Variants in DLC1 observed in about 807,000 individuals in gnomAD.
DLC1 encodes DLC1 Rho GTPase activating protein.
DLC1 carries 54 observed loss-of-function variants against 140.3 expected under a neutral mutation model. That is an observed-to-expected ratio of 0.38 (90% CI 0.31 to 0.48). DLC1 has a LOEUF of 0.48. DLC1 is among the 20% of genes least tolerant of loss of function. The probability of loss-of-function intolerance (pLI) is 0.96; values close to 1 mark genes in which losing one functional copy is unlikely to be tolerated. For missense variants in DLC1, 2,536 were observed against 1,907.0 expected, an observed-to-expected ratio of 1.33 and a Z score of -6.14; for synonymous variants, 986 against 728.1, an observed-to-expected ratio of 1.35 and a Z score of -5.70.
intron 5 of DLC1, among the ~76,000 whole-genome samples, chr8:13,200,339 G>T (rs938711030): frequency 6.6e-6 from 1 of 151,998 alleles, no homozygotes; most frequent in African/African-American, 2.4e-5. Flanking sequence ...TGGGATTACA[G>T]GCATGAGCCA....
intron 4 of DLC1, among the ~76,000 whole-genome samples, chr8:13,362,890 T>C (rs1835300953): frequency 6.6e-6 from 1 of 152,194 alleles, no homozygotes; most frequent in Non-Finnish European, 1.5e-5. Flanking sequence ...ATCACTTAAG[T>C]GTTCCAGCAT....
intron 4 of DLC1, among the ~76,000 whole-genome samples, chr8:13,329,964 AT>A (rs1382939647): frequency 2.6e-5 from 4 of 151,834 alleles, no homozygotes; most frequent in African/African-American, 9.7e-5. Flanking sequence ...TTTATTTTTT[AT>A]TTTTATTTTT....
At chr8:13,426,138 C>A (rs1398650958) in intron 2 of DLC1, among the ~76,000 whole-genome samples, 1 of 151,960 alleles carries the variant, frequency 6.6e-6, no homozygotes, top group African/African-American at 2.4e-5. Flanking sequence ...ATTATTTTGG[C>A]AAGGAAGAAT....
intron 2 of DLC1, among the ~76,000 whole-genome samples, chr8:13,468,044 C>T (rs34719510): frequency 1.3e-5 from 2 of 151,980 alleles, no homozygotes; most frequent in African/African-American, 4.8e-5. Context: ...TACAAGAAAT[C>T]GAAAGAATCT....
intron 5 of DLC1, among the ~76,000 whole-genome samples, chr8:13,135,122 C>G (rs1300424844): frequency 1.3e-5 from 2 of 151,474 alleles, no homozygotes; most frequent in Non-Finnish European, 2.9e-5. Context: ...AACGGGAGGC[C>G]AGGAAAGTAA....
intron 5 of DLC1, among the ~76,000 whole-genome samples, chr8:13,150,204 G>A (rs1823706691): frequency 6.6e-6 from 1 of 152,160 alleles, no homozygotes; most frequent in Non-Finnish European, 1.5e-5. Flanking sequence ...AGGCCCTGTG[G>A]CTTCTCACAT....
chr8:13,481,687 A>T (rs925180011), intron 2 of DLC1, among the ~76,000 whole-genome samples: 1 of 152,206 alleles, frequency 6.6e-6, no homozygotes, highest in Non-Finnish European at 1.5e-5. Context: ...CACTGGTTAT[A>T]GGTTGAACTG....
At chr8:13,108,112 G>C (rs1432397033) in intron 7 of DLC1, among the ~76,000 whole-genome samples, 6 of 152,082 alleles carry the variant, frequency 3.9e-5, no homozygotes, top group African/African-American at 7.2e-5. Flanking sequence ...CTTTTCTTCT[G>C]AACATTTGTT....
chr8:13,151,945 T>C (rs553324100), intron 5 of DLC1, among the ~76,000 whole-genome samples: 3 of 152,362 alleles, frequency 2.0e-5, no homozygotes, highest in African/African-American at 7.2e-5. Flanking sequence ...ACCCTGTTCC[T>C]GCAGGAACAG....
chr8:13,499,750 C>T lies in DLC1; in HGVS notation c.322G>A (p.Val108Met). 1 of 1,614,106 alleles carries T rather than the reference C, an allele frequency of 6.2e-7. No individual in the cohort carries two copies. Among genetic ancestry groups the T allele is most frequent in the Non-Finnish European group, 8.5e-7 (1 of 1,179,994 alleles). ...TTGTTATCCTCATCAGAAACATGCA[C>T]TAGTGTTTCTGTGCTGGCTTCCAGA... Reference protein sequence around the residue: ...LSLEASTETLVHVSDEDNNAD... With the variant: ...LSLEASTETLMHVSDEDNNAD... Residue 108 changes from valine to methionine, a missense_variant, in exon 2 of 18, where the codon GTG becomes ATG. Coordinates refer to ENST00000276297, the MANE Select transcript of DLC1 (RefSeq NM_182643.3).
At chr8:13,432,143 A>G (rs1434870616) in intron 2 of DLC1, among the ~76,000 whole-genome samples, 1 of 152,250 alleles carries the variant, frequency 6.6e-6, no homozygotes, top group Middle Eastern at 3.2e-3. Context: ...CAATTTCAAC[A>G]TCCTCACCAA....
intron 1 of DLC1, among the ~76,000 whole-genome samples, chr8:13,522,189 C>G (rs1802785779): frequency 6.6e-6 from 1 of 152,096 alleles, no homozygotes; most frequent in Non-Finnish European, 1.5e-5. Flanking sequence ...GAGAATGAAT[C>G]TCAAAGGGCA....
chr8:13,414,860 G>A, intron 2 of DLC1, among the ~76,000 whole-genome samples: 1 of 152,142 alleles, frequency 6.6e-6, no homozygotes, highest in Non-Finnish European at 1.5e-5. Flanking sequence ...ACCCAGGCTG[G>A]AGTGCAATGG....
chr8:13,422,953 C>A (rs1838385591), intron 2 of DLC1, among the ~76,000 whole-genome samples: 1 of 152,010 alleles, frequency 6.6e-6, no homozygotes, highest in Non-Finnish European at 1.5e-5. Context: ...AGGAAGGAAG[C>A]CATGGAAGCG....
At chr8:13,443,615 G>A (rs1451897903) in intron 2 of DLC1, among the ~76,000 whole-genome samples, 5 of 136,356 alleles carry the variant, frequency 3.7e-5, no homozygotes, top group African/African-American at 8.5e-5. Flanking sequence ...CCAAGATCGC[G>A]CCACTGCACT....
rs188913371 is a variant in DLC1 at position 13,225,882 on chromosome 8, T to A, written c.1348+79387A>T. ...CGCCTGCCTTGGCCTCCGACTGTGC[T>A]GGGATTACAGGCGTGAGCCACCGCG... On this transcript the variant is annotated intron_variant, in intron 5 of 17. Coordinates refer to ENST00000276297, the MANE Select transcript of DLC1 (RefSeq NM_182643.3). Among the ~76,000 whole-genome samples, 674 of 152,318 alleles carry A rather than the reference T, an allele frequency of 4.4e-3. 5 individuals carry two copies. Among genetic ancestry groups the A allele is most frequent in the African/African-American group, 0.015 (623 of 41,576 alleles).
chr8:13,249,603 C>G (rs965798703), intron 5 of DLC1, among the ~76,000 whole-genome samples: 1 of 152,132 alleles, frequency 6.6e-6, no homozygotes, highest in South Asian at 2.1e-4. Flanking sequence ...TTTTCTTATT[C>G]CTTTCTCAGA....
intron 4 of DLC1, among the ~76,000 whole-genome samples, chr8:13,306,885 A>T (rs1586105640): frequency 6.6e-6 from 1 of 151,640 alleles, no homozygotes; most frequent in Admixed American, 6.6e-5. Flanking sequence ...GGAGATCGAG[A>T]CCAGCCTGAC....
chr8:13,177,662 A>G (rs948755719), intron 5 of DLC1, among the ~76,000 whole-genome samples: 1 of 152,238 alleles, frequency 6.6e-6, no homozygotes, highest in African/African-American at 2.4e-5. Flanking sequence ...ATTGTAATCT[A>G]GGGCAAAAAT....
Sources: allele counts gnomAD v4.1 joint callset (sites outside exome capture counted in the v4.1 genomes callset), GRCh38; gene constraint gnomAD v4.1.1; transcripts MANE v1.5; gene names NCBI Gene and HGNC (gene_info 2026-07-23, HGNC 2026-07-21).